Variants in PHIP observed in about 807,000 individuals in gnomAD.
The protein encoded by PHIP is PH-interacting protein.
In PHIP, 54 loss-of-function variants were observed where a neutral mutation model predicts 236.8. That is an observed-to-expected ratio of 0.23 (90% confidence interval 0.18 to 0.29). The LOEUF (loss-of-function observed/expected upper bound fraction) is 0.29, where lower values mean the gene tolerates loss of function less well. Ranked by LOEUF, PHIP falls within the 10% of genes least tolerant of loss-of-function variation. The pLI, the probability that PHIP is intolerant of heterozygous loss-of-function variation, is 1.00. For missense variants in PHIP, 1,370 were observed against 2,190.8 expected (o/e 0.63, Z 7.48); for synonymous variants, 756 against 718.9 (o/e 1.05, Z -0.83).
intron 17 of PHIP, among the ~76,000 whole-genome samples, chr6:78,999,514 T>C (rs1320671348): frequency 6.6e-6 from 1 of 152,144 alleles, no homozygotes; most frequent in Admixed American, 6.6e-5. Context: ...ACTGTCTCAC[T>C]TACCTTATCT....
At chr6:78,942,354 G>C (rs1004292382) in intron 39 of PHIP, among the ~76,000 whole-genome samples, 3 of 152,120 alleles carry the variant, frequency 2.0e-5, no homozygotes, top group African/African-American at 7.2e-5. Context: ...GTGGTGGTGG[G>C]TGCCTGTAAT....
chr6:79,073,217 A>G (rs1434287376), intron 4 of PHIP, among the ~76,000 whole-genome samples: 3 of 152,238 alleles, frequency 2.0e-5, no homozygotes, highest in Non-Finnish European at 4.4e-5. Context: ...TGGTATAAGC[A>G]TCAATAGAAT....
At chr6:79,064,945 A>G (rs141531843) in intron 4 of PHIP, among the ~76,000 whole-genome samples, 14 of 152,306 alleles carry the variant, frequency 9.2e-5, no homozygotes, top group Non-Finnish European at 1.8e-4. Flanking sequence ...TCATGAAAAC[A>G]TTCCCCACTA....
chr6:78,972,552 A>G (rs1269131958), intron 24 of PHIP, among the ~76,000 whole-genome samples: 1 of 152,180 alleles, frequency 6.6e-6, no homozygotes, highest in Non-Finnish European at 1.5e-5. Flanking sequence ...AGCTGAGAGA[A>G]GAAGGCTTCA....
At position 78,988,533 on chromosome 6, in the gene PHIP, C is replaced by T. The variant is rs577356641; in HGVS notation, c.2320-184G>A. ...AAGGCTGCAGGGAGGGATGATTGCA[C>T]CACTGCACTACAGCCTGGGTGACAA... On this transcript the variant is annotated intron_variant, in intron 20 of 39. Coordinates refer to ENST00000275034, the MANE Select transcript of PHIP (RefSeq NM_017934.7). Among the ~76,000 whole-genome samples, 7 of 152,232 alleles carry T rather than the reference C, an allele frequency of 4.6e-5. No individual in the cohort carries two copies. In the East Asian group the frequency reaches 1.4e-3, roughly 29 times the overall value.
intron 7 of PHIP, among the ~76,000 whole-genome samples, chr6:79,038,356 C>A (rs1772046458): frequency 6.6e-6 from 1 of 152,194 alleles, no homozygotes; most frequent in Admixed American, 6.5e-5. Flanking sequence ...TTTGTAAGGG[C>A]ACTAATCCCA....
chr6:78,963,320 G>T, intron 29 of PHIP, 68 bp from the exon 30 acceptor site: 1 of 1,259,370 alleles, frequency 7.9e-7, no homozygotes, highest in Non-Finnish European at 1.1e-6. Context: ...GCTTTAGAAT[G>T]TAAAAATAAC....
chr6:79,072,825 T>C (rs1582326634), intron 4 of PHIP, among the ~76,000 whole-genome samples: 1 of 152,312 alleles, frequency 6.6e-6, no homozygotes, highest in South Asian at 2.1e-4. Flanking sequence ...AGTATATACA[T>C]ACTTGTGCCT....
In PHIP at chr6:78,999,594, T is replaced by C. The variant is rs368540883; in HGVS notation, c.1880-1203A>G. Among the ~76,000 whole-genome samples, 38 of 152,190 alleles carry C rather than the reference T, an allele frequency of 2.5e-4. No individual in the cohort carries two copies. In the South Asian group the frequency reaches 5.6e-3, roughly 22 times the overall value. On this transcript the variant is annotated intron_variant, in intron 17 of 39. Transcript: ENST00000275034. ...GAATAAATTTTTAAAAGGTATATTA[T>C]AAAATATATGAAAAATATTGCCATG... is the stretch of plus-strand genomic sequence containing the variant.
intron 7 of PHIP, among the ~76,000 whole-genome samples, chr6:79,031,801 C>A (rs1281233886): frequency 6.6e-6 from 1 of 152,170 alleles, no homozygotes; most frequent in Admixed American, 6.5e-5. Context: ...TTTCAGCATG[C>A]AGCTGGATTT....
At chr6:79,011,646 C>A (rs570385619) in intron 15 of PHIP, among the ~76,000 whole-genome samples, 7 of 151,818 alleles carry the variant, frequency 4.6e-5, no homozygotes, top group African/African-American at 1.7e-4. Flanking sequence ...TCATTGAGAT[C>A]CTCTATTAGG....
intron 24 of PHIP, among the ~76,000 whole-genome samples, chr6:78,972,433 C>T (rs1242339273): frequency 6.6e-6 from 1 of 152,186 alleles, no homozygotes; most frequent in Non-Finnish European, 1.5e-5. Context: ...GGGGAAAAAA[C>T]AGAACAGAAA....
rs3841155 is a variant in PHIP at position 78,991,560 on chromosome 6, G to GAGA, written c.2202-578_2202-576dup. ...ACTTTAATACAAAAAATGAACTCATGAGAAGATAATTTTATTTTTTATTTC... is the reference window on the plus strand; with the variant it reads ...ACTTTAATACAAAAAATGAACTCATGAGAAGAAGATAATTTTATTTTTTATTTC... On this transcript the variant is annotated intron_variant, in intron 19 of 39. Coordinates refer to ENST00000275034, the MANE Select transcript of PHIP (RefSeq NM_017934.7). 6.2e-4 allele frequency among the ~76,000 whole-genome samples: 95 copies of GAGA among 152,138 alleles called. 1 individual carries two copies. In the South Asian group the frequency reaches 7.7e-3, roughly 12 times the overall value.
chr6:79,014,841 T>C (rs1030082670), intron 15 of PHIP, among the ~76,000 whole-genome samples: 1 of 151,872 alleles, frequency 6.6e-6, no homozygotes. Context: ...GTTTCACTGC[T>C]AAAACTGATA....
chr6:79,058,667 A>T (rs1259643584), intron 6 of PHIP, among the ~76,000 whole-genome samples: 1 of 152,126 alleles, frequency 6.6e-6, no homozygotes, highest in Non-Finnish European at 1.5e-5. Context: ...TACCTATAGA[A>T]CATTTAAGGT....
At chr6:79,014,847 TG>T (rs1770765099) in intron 15 of PHIP, among the ~76,000 whole-genome samples, 1 of 151,900 alleles carries the variant, frequency 6.6e-6, no homozygotes, top group Non-Finnish European at 1.5e-5. Flanking sequence ...CTGCTAAAAC[TG>T]ATAAAACTGT....
At chr6:79,001,853 C>T (rs532397649) in intron 17 of PHIP, 46 bp downstream of exon 17, 12 of 1,238,044 alleles carry the variant, frequency 9.7e-6, no homozygotes, top group African/African-American at 4.4e-5. Context: ...TTTAACAGTT[C>T]GGTGGGAAGA....
intron 10 of PHIP, 30 bp downstream of exon 10, chr6:79,019,059 A>G: frequency 1.3e-6 from 2 of 1,521,334 alleles, no homozygotes; most frequent in Non-Finnish European, 1.8e-6. Context: ...GAACAACTTT[A>G]AGTCGAAAAT....
chr6:78,958,043 T>C (rs1302672259), intron 32 of PHIP: 4 of 155,458 alleles, frequency 2.6e-5, no homozygotes, highest in Admixed American at 1.3e-4. Context: ...TTATACATGT[T>C]AACCACTATA....
Sources: allele counts gnomAD v4.1 joint callset (sites outside exome capture counted in the v4.1 genomes callset), GRCh38; gene constraint gnomAD v4.1.1; transcripts MANE v1.5; gene names NCBI Gene and HGNC (gene_info 2026-07-23, HGNC 2026-07-21).